KIAA1328: variants seen among roughly 807,000 people sequenced by gnomAD.
KIAA1328 encodes protein hinderin.
Under a neutral mutation model 68.1 loss-of-function variants are expected in KIAA1328, and 52 were observed. The ratio of observed to expected loss-of-function variants is 0.76; its 90% confidence interval spans 0.61 to 0.96. The LOEUF (loss-of-function observed/expected upper bound fraction) is 0.96, where lower values mean the gene tolerates loss of function less well. Among genes scored for constraint, KIAA1328 ranks in the 40% least tolerant of loss-of-function variants. The probability of loss-of-function intolerance (pLI) is 0.00; values close to 1 mark genes in which losing one functional copy is unlikely to be tolerated. For missense variants in KIAA1328, 641 were observed against 677.6 expected, an observed-to-expected ratio of 0.95 and a Z score of 0.60; for synonymous variants, 232 against 239.4, an observed-to-expected ratio of 0.97 and a Z score of 0.28.
chr18:36,973,315 GC>G (rs2052311386), intron 6 of KIAA1328, among the ~76,000 whole-genome samples: 1 of 151,158 alleles, frequency 6.6e-6, no homozygotes, highest in Non-Finnish European at 1.5e-5. Context: ...CACACACCAG[GC>G]CCTGCTGGGG....
At chr18:37,201,619 C>A (rs1366211388) in intron 9 of KIAA1328, among the ~76,000 whole-genome samples, 4 of 152,240 alleles carry the variant, frequency 2.6e-5, no homozygotes, top group Admixed American at 1.3e-4. Flanking sequence ...GTATAGTATT[C>A]TTTTAAGTTG....
chr18:37,117,942 C>A (rs1038854496), intron 7 of KIAA1328, among the ~76,000 whole-genome samples: 2 of 150,040 alleles, frequency 1.3e-5, no homozygotes, highest in Admixed American at 6.6e-5. Flanking sequence ...TTACTTATAG[C>A]TCTTATAGTC....
At chr18:37,183,928 T>C (rs980586591) in intron 9 of KIAA1328, among the ~76,000 whole-genome samples, 2 of 152,224 alleles carry the variant, frequency 1.3e-5, no homozygotes, top group African/African-American at 4.8e-5. Context: ...GTTTTATTTA[T>C]TGTTTGTCTC....
intron 5 of KIAA1328, among the ~76,000 whole-genome samples, chr18:36,949,596 C>CT (rs1491272017): frequency 1.6e-4 from 3 of 18,818 alleles, no homozygotes; most frequent in East Asian, 2.0e-3. Flanking sequence ...TTCTACCCAG[C>CT]TCCCCCCCCC....
chr18:36,847,412 G>A (rs551416553), intron 4 of KIAA1328, among the ~76,000 whole-genome samples: 6 of 151,380 alleles, frequency 4.0e-5, no homozygotes, highest in Admixed American at 6.6e-5. Flanking sequence ...CCAACTCTTG[G>A]TATTGTCATT....
intron 6 of KIAA1328, among the ~76,000 whole-genome samples, chr18:36,977,217 T>C (rs529403622): frequency 8.7e-4 from 133 of 152,320 alleles, no homozygotes; most frequent in African/African-American, 3.0e-3. Flanking sequence ...CTTCATTCTT[T>C]CACTGTGTAT....
intron 5 of KIAA1328, among the ~76,000 whole-genome samples, chr18:36,907,471 C>G (rs1288205629): frequency 6.6e-6 from 1 of 151,988 alleles, no homozygotes; most frequent in Admixed American, 6.6e-5. Context: ...CTTTTCTATT[C>G]CTAGTGTGCT....
At chr18:37,044,349 T>C (rs879886258) in intron 6 of KIAA1328, among the ~76,000 whole-genome samples, 18 of 152,118 alleles carry the variant, frequency 1.2e-4, no homozygotes, top group Admixed American at 1.3e-4. Context: ...CCTTCCTTTA[T>C]TGGGAGTTGG....
At chr18:36,836,709 T>G (rs1262600070) in intron 3 of KIAA1328, among the ~76,000 whole-genome samples, 2 of 152,142 alleles carry the variant, frequency 1.3e-5, no homozygotes, top group Non-Finnish European at 2.9e-5. Context: ...TTCACAGAGT[T>G]GTGGATCCAT....
In KIAA1328 at chr18:37,024,998, T is replaced by C. The variant is rs1225827353; in HGVS notation, c.577-41892T>C. 2.6e-5 allele frequency among the ~76,000 whole-genome samples: 4 copies of C among 152,230 alleles called. No homozygotes were observed. In the South Asian group the frequency reaches 8.3e-4, roughly 32 times the overall value. ...AACAAGTTTACAGTCCCAGCAACAG[T>C]GTAAAAGTGTTCCTATTTCTCCATA... On this transcript the variant is annotated intron_variant, in intron 6 of 9. Transcript: ENST00000280020.
At chr18:36,894,387 ATTTTCCCTTGAAACC>A (rs2048802047) in intron 5 of KIAA1328, among the ~76,000 whole-genome samples, 1 of 152,004 alleles carries the variant, frequency 6.6e-6, no homozygotes, top group African/African-American at 2.4e-5. Flanking sequence ...GGTCTTACTC[ATTTTCCCTTGAAACC>A]TTATTCCTTG....
chr18:36,847,833 T>C (rs536135079), intron 4 of KIAA1328, among the ~76,000 whole-genome samples: 20 of 151,796 alleles, frequency 1.3e-4, no homozygotes, highest in African/African-American at 3.9e-4. Context: ...AAAGGTTGTT[T>C]TTCTATGTTA....
chr18:37,156,318 CG>C (rs2059150534), intron 7 of KIAA1328, among the ~76,000 whole-genome samples: 1 of 148,774 alleles, frequency 6.7e-6, no homozygotes, highest in Non-Finnish European at 1.5e-5. Context: ...CCCAGCTACT[CG>C]GGAGGCTGAG....
chr18:37,108,389 A>G (rs1436659330), intron 7 of KIAA1328, among the ~76,000 whole-genome samples: 1 of 152,096 alleles, frequency 6.6e-6, no homozygotes, highest in African/African-American at 2.4e-5. Flanking sequence ...GCGGGTAGTT[A>G]AAAAACTACC....
intron 1 of KIAA1328, among the ~76,000 whole-genome samples, chr18:36,832,315 G>A (rs189230623): frequency 1.4e-4 from 21 of 152,164 alleles, no homozygotes; most frequent in Admixed American, 2.6e-4. Flanking sequence ...GGCCGCTTGC[G>A]GTGGCTCACA....
chr18:37,212,599 A>G (rs945880156), intron 9 of KIAA1328, among the ~76,000 whole-genome samples: 1 of 152,374 alleles, frequency 6.6e-6, no homozygotes, highest in East Asian at 1.9e-4. Context: ...AACTACAGAT[A>G]GCAAAAAATT....
At chr18:36,871,898 C>G (rs2047958312) in intron 4 of KIAA1328, among the ~76,000 whole-genome samples, 1 of 152,014 alleles carries the variant, frequency 6.6e-6, no homozygotes, top group South Asian at 2.1e-4. Flanking sequence ...GTGGAGGGCC[C>G]CTTGGGCAGC....
chr18:36,857,417 C>G (rs2047420849), intron 4 of KIAA1328, among the ~76,000 whole-genome samples: 1 of 152,160 alleles, frequency 6.6e-6, no homozygotes, highest in Non-Finnish European at 1.5e-5. Context: ...AAAAGCAAGC[C>G]TCTCTGCCAG....
intron 7 of KIAA1328, among the ~76,000 whole-genome samples, chr18:37,084,612 CA>C (rs1360295642): frequency 6.6e-6 from 1 of 150,776 alleles, no homozygotes; most frequent in Non-Finnish European, 1.5e-5. Flanking sequence ...AACATTAATT[CA>C]TTCAACAAAT....
Sources: allele counts gnomAD v4.1 joint callset (sites outside exome capture counted in the v4.1 genomes callset), GRCh38; gene constraint gnomAD v4.1.1; transcripts MANE v1.5; gene names NCBI Gene and HGNC (gene_info 2026-07-23, HGNC 2026-07-21).